The following GPC5 variants were observed in gnomAD, a reference collection of about 807,000 sequenced individuals.
The protein encoded by GPC5 is glypican 5.
Under a neutral mutation model 53.9 loss-of-function variants are expected in GPC5, and 47 were observed. The ratio of observed to expected loss-of-function variants is 0.87; its 90% CI spans 0.69 to 1.11. The LOEUF (loss-of-function observed/expected upper bound fraction) is 1.11. GPC5 is among the 50% of genes most tolerant of loss of function. The pLI is 0.00. For missense variants in GPC5, 748 were observed against 713.1 expected, an observed-to-expected ratio of 1.05 and a Z score of -0.56; for synonymous variants, 286 against 263.3, an observed-to-expected ratio of 1.09 and a Z score of -0.84.
intron 7 of GPC5, among the ~76,000 whole-genome samples, chr13:92,439,047 C>T (rs1471986398): frequency 1.3e-5 from 2 of 152,094 alleles, no homozygotes; most frequent in Non-Finnish European, 2.9e-5. Flanking sequence ...TGTGACAAAC[C>T]TCAGTCTGTA....
chr13:92,531,626 A>C (rs936096208), intron 7 of GPC5, among the ~76,000 whole-genome samples: 5 of 152,080 alleles, frequency 3.3e-5, no homozygotes, highest in Non-Finnish European at 5.9e-5. Flanking sequence ...AGTTCCCCAC[A>C]CCACATGCTC....
intron 2 of GPC5, among the ~76,000 whole-genome samples, chr13:91,565,853 C>T (rs2031501615): frequency 6.6e-6 from 1 of 152,180 alleles, no homozygotes; most frequent in African/African-American, 2.4e-5. Context: ...TTGGTTACTT[C>T]TGGAGGCTCT....
At chr13:92,638,258 T>C (rs572594663) in intron 7 of GPC5, among the ~76,000 whole-genome samples, 3 of 152,306 alleles carry the variant, frequency 2.0e-5, no homozygotes, top group Non-Finnish European at 2.9e-5. Flanking sequence ...TTCTTGGACT[T>C]TATATTGACC....
At chr13:92,385,455 TATATACAC>T (rs2043791786) in intron 7 of GPC5, among the ~76,000 whole-genome samples, 20 of 63,926 alleles carry the variant, frequency 3.1e-4, no homozygotes, top group East Asian at 4.1e-4. Flanking sequence ...CATATATACA[TATATACAC>T]ATATATACAT....
At chr13:91,878,440 A>G (rs2039228198) in intron 5 of GPC5, among the ~76,000 whole-genome samples, 1 of 152,168 alleles carries the variant, frequency 6.6e-6, no homozygotes, top group African/African-American at 2.4e-5. Context: ...CACCTAGTAC[A>G]CGCAGCTACA....
At chr13:91,904,571 A>G (rs1415256811) in intron 5 of GPC5, among the ~76,000 whole-genome samples, 4 of 152,024 alleles carry the variant, frequency 2.6e-5, no homozygotes, top group Non-Finnish European at 5.9e-5. Flanking sequence ...AACTCAAGTT[A>G]CTTAACCTTT....
intron 3 of GPC5, among the ~76,000 whole-genome samples, chr13:91,708,181 A>G (rs1049756389): frequency 2.6e-5 from 4 of 152,192 alleles, no homozygotes; most frequent in Non-Finnish European, 5.9e-5. Context: ...CAAAGGCAAT[A>G]TTTGATTGAT....
At chr13:91,491,279 C>T (rs1391735436) in intron 2 of GPC5, among the ~76,000 whole-genome samples, 1 of 152,128 alleles carries the variant, frequency 6.6e-6, no homozygotes, top group Non-Finnish European at 1.5e-5. Context: ...ATGTTTACTC[C>T]TCTCTGCCTT....
intron 7 of GPC5, among the ~76,000 whole-genome samples, chr13:92,356,877 A>G (rs1397689644): frequency 1.3e-5 from 2 of 152,142 alleles, no homozygotes; most frequent in Non-Finnish European, 2.9e-5. Context: ...TCCACCTTCA[A>G]GTAGACCACA....
chr13:91,526,941 TG>T (rs983377047), intron 2 of GPC5, among the ~76,000 whole-genome samples: 1 of 152,048 alleles, frequency 6.6e-6, no homozygotes, highest in Non-Finnish European at 1.5e-5. Flanking sequence ...AAGAACAGCA[TG>T]GGGGGAACTG....
chr13:92,283,044 G>C (rs1011767375), intron 7 of GPC5, among the ~76,000 whole-genome samples: 1 of 152,172 alleles, frequency 6.6e-6, no homozygotes, highest in African/African-American at 2.4e-5. Context: ...AAGGGATGGA[G>C]GAAGATCTAC....
intron 2 of GPC5, among the ~76,000 whole-genome samples, chr13:91,478,317 A>C (rs1883052635): frequency 6.6e-6 from 1 of 152,128 alleles, no homozygotes; most frequent in Non-Finnish European, 1.5e-5. Context: ...CATATTTTCC[A>C]AAATTACAAA....
chr13:92,036,553 A>G (rs889447232), intron 6 of GPC5, among the ~76,000 whole-genome samples: 3 of 152,202 alleles, frequency 2.0e-5, no homozygotes, highest in Non-Finnish European at 4.4e-5. Flanking sequence ...AATTAACATA[A>G]GCTTTAGTTT....
At chr13:91,419,838 G>A (rs1475929108) in intron 1 of GPC5, among the ~76,000 whole-genome samples, 1 of 152,176 alleles carries the variant, frequency 6.6e-6, no homozygotes, top group Non-Finnish European at 1.5e-5. Flanking sequence ...GCTTTTAGCA[G>A]GATGTACCTA....
intron 7 of GPC5, among the ~76,000 whole-genome samples, chr13:92,853,981 A>G (rs1303596643): frequency 1.3e-5 from 2 of 148,356 alleles, no homozygotes; most frequent in Non-Finnish European, 3.0e-5. Flanking sequence ...TTTTAAGACC[A>G]TAGATGATAG....
At chr13:92,367,825 T>C (rs1045563755) in intron 7 of GPC5, among the ~76,000 whole-genome samples, 8 of 152,150 alleles carry the variant, frequency 5.3e-5, no homozygotes, top group African/African-American at 1.9e-4. Flanking sequence ...TATAAAAAAT[T>C]GGAAGGTGCT....
intron 6 of GPC5, among the ~76,000 whole-genome samples, chr13:92,030,663 C>T (rs1463782346): frequency 6.6e-6 from 1 of 152,144 alleles, no homozygotes; most frequent in Non-Finnish European, 1.5e-5. Flanking sequence ...ATCTAGTAGA[C>T]ATTCTCAGCA....
At chr13:92,293,678 C>T (rs61966615) in intron 7 of GPC5, among the ~76,000 whole-genome samples, 11,285 of 151,942 alleles carry the variant, frequency 0.074, 548 homozygotes, top group African/African-American at 0.13. Flanking sequence ...AATTTGGATG[C>T]GCTGTATTTC....
intron 7 of GPC5, among the ~76,000 whole-genome samples, chr13:92,204,232 A>C (rs2042316268): frequency 6.6e-6 from 1 of 152,208 alleles, no homozygotes; most frequent in Non-Finnish European, 1.5e-5. Context: ...TGAAAGGATA[A>C]ATCTATAAGT....
Sources: allele counts gnomAD v4.1 joint callset (sites outside exome capture counted in the v4.1 genomes callset), GRCh38; gene constraint gnomAD v4.1.1; transcripts MANE v1.5; gene names NCBI Gene and HGNC (gene_info 2026-07-23, HGNC 2026-07-21).